The following IL15RA variants were observed in gnomAD, a reference collection of about 807,000 sequenced individuals.
IL15RA encodes the protein interleukin-15 receptor subunit alpha.
In IL15RA, 26 loss-of-function variants were observed where a neutral mutation model predicts 24.2. The ratio of observed to expected loss-of-function variants is 1.07; its 90% CI spans 0.79 to 1.49. The LOEUF is 1.49. IL15RA is among the 40% of genes most tolerant of loss of function. The probability of loss-of-function intolerance (pLI) is 0.00; values close to 1 mark genes in which losing one functional copy is unlikely to be tolerated. For missense variants in IL15RA, 354 were observed against 356.4 expected, an observed-to-expected ratio of 0.99 and a Z score of 0.05; for synonymous variants, 166 against 157.6, an observed-to-expected ratio of 1.05 and a Z score of -0.40.
At position 5,967,035 on chromosome 10, in the gene IL15RA, C is replaced by T. The variant is rs1388175117; in HGVS notation, c.89-696G>A. On this transcript the variant is annotated intron_variant, in intron 1 of 6. Coordinates refer to ENST00000379977, the MANE Select transcript of IL15RA (RefSeq NM_002189.4). The surrounding 1 kb of genome is among the most constrained non-coding windows in gnomAD (Gnocchi z 4.4). ...AAGTGCTGGGATTACAGGTGTGAGC[C>T]ACCATGCCAGGCCCTGAATTTCTAT... Among the ~76,000 whole-genome samples, 2 of 152,040 alleles carry T rather than the reference C, an allele frequency of 1.3e-5. No homozygotes were observed. The highest frequency in any genetic ancestry group is 2.9e-5 in the Non-Finnish European group (2 of 68,022).
Position 5,958,466 on chromosome 10 carries a change from A to C in IL15RA, c.616+1288T>G. 3.9e-6 allele frequency: 1 copy of C among 255,528 alleles called. No individual in the cohort carries two copies. Among genetic ancestry groups the C allele is most frequent in the Non-Finnish European group, 8.2e-6 (1 of 122,482 alleles). 15.8% of individuals were successfully genotyped at this position (255,528 alleles called of 1,614,324 possible). The stretch of plus-strand genomic sequence containing the variant: ...AGTGGTGTGATCACAGCTCACTGCA[A>C]CCTCTGCCTCCTGGGTTCCAGCAAT... On this transcript the variant is annotated intron_variant, in intron 5 of 6. Coordinates refer to ENST00000379977, the MANE Select transcript of IL15RA (RefSeq NM_002189.4). The surrounding 1 kb of genome is among the most constrained non-coding windows in gnomAD (Gnocchi z 4.3).
chr10:5,949,060 ATTC>A, downstream of IL15RA: 1 of 355,484 alleles, frequency 2.8e-6, no homozygotes, highest in Non-Finnish European at 5.7e-6. The surrounding 1 kb of genome is among the most constrained non-coding windows in gnomAD (Gnocchi z 4.4). Context: ...GATGGAGAGG[ATTC>A]ACTGGGCTTA....
In IL15RA at chr10:5,965,343, C is replaced by G. The variant is rs1001086687; in HGVS notation, c.283+802G>C. Among the ~76,000 whole-genome samples the G allele has an allele frequency of 6.6e-6, 1 of 152,260 alleles. No homozygotes were observed. The highest frequency in any genetic ancestry group is 2.4e-5 in the African/African-American group (1 of 41,468). On this transcript the variant is annotated intron_variant, in intron 2 of 6. Transcript: ENST00000379977. The surrounding 1 kb of genome is among the most constrained non-coding windows in gnomAD (Gnocchi z 5.8). ...CTGTGCCCATCCCCGGGGCTGGGTACTGAGAGAGGAGCAGTGATGGCTTCC... is the reference window on the plus strand; with the variant it reads ...CTGTGCCCATCCCCGGGGCTGGGTAGTGAGAGAGGAGCAGTGATGGCTTCC...
chr10:5,977,373 C>T (rs1226232073), intron 1 of IL15RA, 32 bp downstream of exon 1: 3 of 1,124,518 alleles, frequency 2.7e-6, no homozygotes, highest in Non-Finnish European at 3.5e-6. Context: ...CTTCCAAGTC[C>T]CGCCCGGGCG....
Position 5,968,927 on chromosome 10 carries a change from A to G in IL15RA, c.89-2588T>C, listed in dbSNP as rs1380316182. 2 of 1,528,054 alleles carry G rather than the reference A, an allele frequency of 1.3e-6. No homozygotes were observed. Among genetic ancestry groups the G allele is most frequent in the African/African-American group, 2.7e-5 (2 of 72,892 alleles). 94.7% of individuals were successfully genotyped at this position (1,528,054 alleles called of 1,614,324 possible). A position where few individuals can be genotyped will look rare whatever the true frequency, so the allele number is the denominator to read the frequency against. On this transcript the variant is annotated intron_variant, in intron 1 of 6. Coordinates refer to ENST00000379977, the MANE Select transcript of IL15RA (RefSeq NM_002189.4). This position sits in a 1 kb window ranked among gnomAD's most constrained non-coding sequence, Gnocchi z 5.4. ...CCAGGACAGCCAGCCTGTCTCTTGC[A>G]TCTGTAACAGGTTTTGTACAGGAAG...
At position 5,961,833 on chromosome 10, in the gene IL15RA, G is replaced by A. The variant is rs549571443; in HGVS notation, c.383-1266C>T. Among the ~76,000 whole-genome samples, 7 of 152,324 alleles carry A rather than the reference G, an allele frequency of 4.6e-5. No individual in the cohort carries two copies. In the South Asian group the frequency reaches 6.2e-4, roughly 14 times the overall value. On this transcript the variant is annotated intron_variant, in intron 3 of 6. Coordinates refer to ENST00000379977, the MANE Select transcript of IL15RA (RefSeq NM_002189.4). The surrounding 1 kb of genome is among the most constrained non-coding windows in gnomAD (Gnocchi z 5.2). ...GCTCTCTGGACGCACTGTTGTTGCC[G>A]CGTTCCCATGGTCTCCCAGCCACAC... is the stretch of plus-strand genomic sequence containing the variant.
Position 5,952,752 on chromosome 10 carries a change from A to C in IL15RA, c.*343T>G, listed in dbSNP as rs1833990454. 1 of 301,684 alleles carries C rather than the reference A, an allele frequency of 3.3e-6. No individual in the cohort carries two copies. Among genetic ancestry groups the C allele is most frequent in the Non-Finnish European group, 6.1e-6 (1 of 162,640 alleles). The allele number at this position is 301,684 out of a possible 1,614,324, so 18.7% of individuals were successfully genotyped here. ...ACTGAAAGTTAGGATGAGGGACGGA[A>C]GATTCGGGGCAGGGTTTTTATTTCA... On this transcript the variant is annotated 3_prime_UTR_variant, in exon 7 of 7. Transcript: ENST00000379977.
rs546312147 is a variant in IL15RA, at chr10:5,958,991, C to T, written c.616+763G>A. Among the ~76,000 whole-genome samples the T allele has an allele frequency of 8.6e-5, 13 of 151,868 alleles. No homozygotes were observed. In the South Asian group the frequency reaches 2.7e-3, roughly 32 times the overall value. On this transcript the variant is annotated intron_variant, in intron 5 of 6. Transcript: ENST00000379977. This position sits in a 1 kb window ranked among gnomAD's most constrained non-coding sequence, Gnocchi z 4.3. The stretch of plus-strand genomic sequence containing the variant: ...TGTTCTCCCCTCCTCTCTCAGCTCT[C>T]CTCCCCTCCCTTCAGCTTTTTCTTT...
Position 5,963,909 on chromosome 10 carries a change from G to A in IL15RA, c.284-68C>T, listed in dbSNP as rs1285858353. On this transcript the variant is annotated intron_variant, in intron 2 of 6. Coordinates refer to ENST00000379977, the MANE Select transcript of IL15RA (RefSeq NM_002189.4). This position sits in a 1 kb window ranked among gnomAD's most constrained non-coding sequence, Gnocchi z 5.3. Reference sequence around the variant, plus strand: ...GGAACCTGGGCTGGCTTCAGAACGGGATACAAATAAAATATATCAACACAT... The same window carrying A: ...GGAACCTGGGCTGGCTTCAGAACGGAATACAAATAAAATATATCAACACAT... 9 of 973,094 alleles carry A rather than the reference G, an allele frequency of 9.2e-6. No individual in the cohort carries two copies. The highest frequency in any genetic ancestry group is 1.7e-5 in the African/African-American group (1 of 58,068). 60.3% of individuals were successfully genotyped at this position (973,094 alleles called of 1,614,324 possible).
At chr10:5,977,247 C>G (rs958382983) in intron 1 of IL15RA, 158 bp downstream of exon 1, 1 of 375,100 alleles carries the variant, frequency 2.7e-6, no homozygotes, top group African/African-American at 2.1e-5. Context: ...CTGCCCGGCG[C>G]CGCGTCCCCT....
chr10:5,952,874 G>A lies in IL15RA; in HGVS notation c.*221C>T. 2 of 600,602 alleles carry A rather than the reference G, an allele frequency of 3.3e-6. No individual in the cohort carries two copies. Among genetic ancestry groups the A allele is most frequent in the Non-Finnish European group, 5.9e-6 (2 of 337,960 alleles). The allele number at this position is 600,602 out of a possible 1,614,324, so 37.2% of individuals were successfully genotyped here. ...CTGGGAAGCTGGGCCCTGGGTCCAAGGCACGACAGGCAGGCAGGTGGTGCC... is the reference window on the plus strand; with the variant it reads ...CTGGGAAGCTGGGCCCTGGGTCCAAAGCACGACAGGCAGGCAGGTGGTGCC... On this transcript the variant is annotated 3_prime_UTR_variant, in exon 7 of 7. Coordinates refer to ENST00000379977, the MANE Select transcript of IL15RA (RefSeq NM_002189.4).
chr10:5,957,420 C>A (rs962075760), intron 5 of IL15RA, among the ~76,000 whole-genome samples: 1 of 152,000 alleles, frequency 6.6e-6, no homozygotes, highest in South Asian at 2.1e-4. Flanking sequence ...GGACTACAGG[C>A]AGGTGCCACC....
rs1406293877 is a variant in IL15RA, at chr10:5,965,347, G to C, written c.283+798C>G. Among the ~76,000 whole-genome samples, 1 of 152,374 alleles carries C rather than the reference G, an allele frequency of 6.6e-6. No individual in the cohort carries two copies. The highest frequency in any genetic ancestry group is 2.4e-5 in the African/African-American group (1 of 41,582). ...GCCCATCCCCGGGGCTGGGTACTGA[G>C]AGAGGAGCAGTGATGGCTTCCAACA... On this transcript the variant is annotated intron_variant, in intron 2 of 6. Coordinates refer to ENST00000379977, the MANE Select transcript of IL15RA (RefSeq NM_002189.4). This position sits in a 1 kb window ranked among gnomAD's most constrained non-coding sequence, Gnocchi z 5.8.
upstream of IL15RA, chr10:5,977,753 C>T: frequency 9.6e-6 from 8 of 836,546 alleles, no homozygotes; most frequent in Non-Finnish European, 1.3e-5. Flanking sequence ...ATGGGCCGTG[C>T]CCGGTGGGGA....
rs561375651 is a variant in IL15RA, at chr10:5,975,407, G to A, written c.88+1998C>T. Among the ~76,000 whole-genome samples the A allele has an allele frequency of 9.2e-5, 14 of 152,142 alleles. No homozygotes were observed. In the South Asian group the frequency reaches 2.3e-3, roughly 25 times the overall value. On this transcript the variant is annotated intron_variant, in intron 1 of 6. Coordinates refer to ENST00000379977, the MANE Select transcript of IL15RA (RefSeq NM_002189.4). This position sits in a 1 kb window ranked among gnomAD's most constrained non-coding sequence, Gnocchi z 4.8. ...GCATCAAATTGCCTGGGAGATGGGC[G>A]AGGTGGGAGATGAGGACTGTGCAGG...
At position 5,963,639 on chromosome 10, in the gene IL15RA, T is replaced by G; in HGVS notation, c.382+104A>C. The G allele has an allele frequency of 1.7e-6, 1 of 594,442 alleles. No individual in the cohort carries two copies. The allele number at this position is 594,442 out of a possible 1,614,324, so 36.8% of individuals were successfully genotyped here. A position where few individuals can be genotyped will look rare whatever the true frequency, so the allele number is the denominator to read the frequency against. ...AGACGTTTGCGCTATTGCCTAAGTC[T>G]GCAGTGGCACACCACAGAGGTCCGT... On this transcript the variant is annotated intron_variant, in intron 3 of 6. Coordinates refer to ENST00000379977, the MANE Select transcript of IL15RA (RefSeq NM_002189.4). This position sits in a 1 kb window ranked among gnomAD's most constrained non-coding sequence, Gnocchi z 5.3.
chr10:5,953,114 T>C lies in IL15RA; in HGVS notation c.785A>G (p.Asn262Ser). The change falls in exon 7 of 7, where the codon AAC becomes AGC. Residue 262 changes from asparagine to serine, a missense_variant. Physicochemically the swap from Asn to Ser is conservative, Grantham distance 46. Coordinates refer to ENST00000379977, the MANE Select transcript of IL15RA (RefSeq NM_002189.4). The surrounding 1 kb of genome is among the most constrained non-coding windows in gnomAD (Gnocchi z 5.3). Reference sequence around the variant, plus strand: ...CGAGTTTCATAGGTGGTGAGAGCAGTTTTCCAAGTCTTCATCTCTGCTGCT... The same window carrying C: ...CGAGTTTCATAGGTGGTGAGAGCAGCTTTCCAAGTCTTCATCTCTGCTGCT... ...GTSSRDEDLE[N>S]CSHHL The C allele has an allele frequency of 6.2e-7, 1 of 1,613,852 alleles. No homozygotes were observed. The highest frequency in any genetic ancestry group is 8.5e-7 in the Non-Finnish European group (1 of 1,179,698).
At chr10:5,977,710 G>A (rs8177629), upstream of IL15RA, 2,929 of 1,164,104 alleles carry the variant, frequency 2.5e-3, 66 homozygotes, top group African/African-American at 0.04. Flanking sequence ...CGGCCGCCGC[G>A]GCACCGCACA....
In IL15RA at chr10:5,975,984, G is replaced by C. The variant is rs950253768; in HGVS notation, c.88+1421C>G. 2.0e-5 allele frequency among the ~76,000 whole-genome samples: 3 copies of C among 152,162 alleles called. No homozygotes were observed. The highest frequency in any genetic ancestry group is 7.2e-5 in the African/African-American group (3 of 41,424). ...TAGCAACATCTTTCTAAGGTCAAAG[G>C]GCAAGGCTGTGCAGCTGATGAGATC... On this transcript the variant is annotated intron_variant, in intron 1 of 6. Transcript: ENST00000379977. The surrounding 1 kb of genome is among the most constrained non-coding windows in gnomAD (Gnocchi z 4.8).
Sources: allele counts gnomAD v4.1 joint callset (sites outside exome capture counted in the v4.1 genomes callset), GRCh38; gene constraint gnomAD v4.1.1; non-coding constraint Gnocchi (gnomAD v3.1); transcripts MANE v1.5; gene names NCBI Gene and HGNC (gene_info 2026-07-23, HGNC 2026-07-21).